The following LHFPL3 variants were observed in gnomAD, a reference collection of about 807,000 sequenced individuals.
The protein encoded by LHFPL3 is LHFPL tetraspan subfamily member 3 protein.
A neutral mutation model predicts 19.3 loss-of-function variants in LHFPL3; 5 were observed. The observed-to-expected ratio is 0.26, with a 90% CI of 0.14 to 0.54. LHFPL3 has a LOEUF of 0.54. LHFPL3 is among the 20% of genes least tolerant of loss of function. The pLI, the probability that LHFPL3 is intolerant of heterozygous loss-of-function variation, is 0.94. For synonymous variants in LHFPL3, 133 were observed against 126.2 expected (o/e 1.05, Z -0.36); for missense variants, 249 against 307.4 (o/e 0.81, Z 1.42).
intron 2 of LHFPL3, among the ~76,000 whole-genome samples, chr7:104,877,146 G>A (rs1033357016): frequency 1.3e-5 from 2 of 152,166 alleles, no homozygotes; most frequent in Non-Finnish European, 2.9e-5. Context: ...GGAGGAGGGA[G>A]GGATAGCATT....
intron 2 of LHFPL3, among the ~76,000 whole-genome samples, chr7:104,737,570 G>A (rs756923563): frequency 1.3e-5 from 2 of 152,132 alleles, no homozygotes; most frequent in Admixed American, 1.3e-4. Flanking sequence ...TGAATGATAC[G>A]TAAATATATC....
chr7:104,364,897 T>C (rs1790454431), intron 1 of LHFPL3, among the ~76,000 whole-genome samples: 1 of 152,230 alleles, frequency 6.6e-6, no homozygotes, highest in Admixed American at 6.5e-5. Context: ...AATTTCTTTT[T>C]TAGGCTGGAA....
chr7:104,905,420 C>T (rs1792577910), intron 2 of LHFPL3, among the ~76,000 whole-genome samples: 1 of 151,906 alleles, frequency 6.6e-6, no homozygotes, highest in Admixed American at 6.6e-5. Context: ...ATTATGCAGC[C>T]ATTGAAAATT....
intron 1 of LHFPL3, among the ~76,000 whole-genome samples, chr7:104,715,897 T>G (rs1201699308): frequency 6.6e-6 from 1 of 152,212 alleles, no homozygotes; most frequent in Non-Finnish European, 1.5e-5. Flanking sequence ...CAGAGTAATA[T>G]TCGCCTCATA....
At chr7:104,746,813 T>C (rs1794054798) in intron 2 of LHFPL3, among the ~76,000 whole-genome samples, 2 of 152,218 alleles carry the variant, frequency 1.3e-5, no homozygotes, top group Non-Finnish European at 2.9e-5. Context: ...TTAACTATTG[T>C]CATTTTTAGT....
At chr7:104,483,245 C>A (rs893718992) in intron 1 of LHFPL3, among the ~76,000 whole-genome samples, 6 of 152,332 alleles carry the variant, frequency 3.9e-5, no homozygotes, top group Admixed American at 1.3e-4. Flanking sequence ...CAGTTTCATT[C>A]CCTTACATGC....
At position 104,907,681 on chromosome 7, in the gene LHFPL3, A is replaced by G. The variant is rs1792647061; in HGVS notation, c.*1466A>G. ...ACATGTAGAATGCTTTTATTCATGT[A>G]TTCAAAATCAGAACAAATCAGTGTA... On this transcript the variant is annotated 3_prime_UTR_variant, in exon 3 of 3. Transcript: ENST00000424859. Among the ~76,000 whole-genome samples, 1 of 152,228 alleles carries G rather than the reference A, an allele frequency of 6.6e-6. No individual in the cohort carries two copies. The highest frequency in any genetic ancestry group is 1.5e-5 in the Non-Finnish European group (1 of 68,030).
chr7:104,475,454 G>C (rs930587350), intron 1 of LHFPL3, among the ~76,000 whole-genome samples: 9 of 151,920 alleles, frequency 5.9e-5, no homozygotes, highest in African/African-American at 2.2e-4. Flanking sequence ...AGCTGAGAAG[G>C]GGAAAATGGG....
chr7:104,430,803 CTT>C (rs1166570927), intron 1 of LHFPL3, among the ~76,000 whole-genome samples: 1 of 151,932 alleles, frequency 6.6e-6, no homozygotes, highest in African/African-American at 2.4e-5. Flanking sequence ...AATGTTCTGT[CTT>C]TGAATTAGCT....
chr7:104,477,102 A>C (rs913147259), intron 1 of LHFPL3, among the ~76,000 whole-genome samples: 1 of 151,942 alleles, frequency 6.6e-6, no homozygotes, highest in Non-Finnish European at 1.5e-5. Flanking sequence ...GTGATCCTCC[A>C]CCTCAGCCTC....
chr7:104,728,646 C>A (rs1413193253), intron 1 of LHFPL3, among the ~76,000 whole-genome samples: 3 of 152,144 alleles, frequency 2.0e-5, no homozygotes, highest in African/African-American at 7.2e-5. Context: ...TAAAGAAGTG[C>A]CAACTCTTTA....
intron 1 of LHFPL3, among the ~76,000 whole-genome samples, chr7:104,679,837 G>T (rs968351250): frequency 1.3e-5 from 2 of 152,140 alleles, no homozygotes; most frequent in African/African-American, 4.8e-5. Flanking sequence ...AAACTCAGGT[G>T]GTCTCTTCAC....
intron 2 of LHFPL3, among the ~76,000 whole-genome samples, chr7:104,900,497 G>A (rs185747655): frequency 4.6e-5 from 7 of 152,260 alleles, no homozygotes; most frequent in Non-Finnish European, 8.8e-5. Context: ...CCTTCTCACC[G>A]AAGATCTGCA....
chr7:104,554,962 C>T (rs1329207458), intron 1 of LHFPL3, among the ~76,000 whole-genome samples: 2 of 152,162 alleles, frequency 1.3e-5, no homozygotes, highest in Non-Finnish European at 2.9e-5. Flanking sequence ...GATGGTGTCC[C>T]AGCTCCAGGA....
At chr7:104,387,343 G>A (rs1221929598) in intron 1 of LHFPL3, among the ~76,000 whole-genome samples, 4 of 151,948 alleles carry the variant, frequency 2.6e-5, no homozygotes, top group South Asian at 4.2e-4. Flanking sequence ...ACTCCAGCCT[G>A]GGCAACAAGA....
At chr7:104,545,201 G>C (rs146703060) in intron 1 of LHFPL3, among the ~76,000 whole-genome samples, 1 of 152,096 alleles carries the variant, frequency 6.6e-6, no homozygotes, top group African/African-American at 2.4e-5. Context: ...CACTACCTTA[G>C]TATCCTCATA....
chr7:104,671,184 G>A (rs1287403751), intron 1 of LHFPL3, among the ~76,000 whole-genome samples: 1 of 151,956 alleles, frequency 6.6e-6, no homozygotes, highest in African/African-American at 2.4e-5. Context: ...AATAATTGGT[G>A]TGGATTGGCC....
intron 1 of LHFPL3, among the ~76,000 whole-genome samples, chr7:104,697,377 T>C (rs944707892): frequency 6.6e-6 from 1 of 152,178 alleles, no homozygotes; most frequent in African/African-American, 2.4e-5. Context: ...CTATTTTAAA[T>C]TGGCAAGAAT....
chr7:104,840,615 A>C (rs1212600342), intron 2 of LHFPL3, among the ~76,000 whole-genome samples: 1 of 147,666 alleles, frequency 6.8e-6, no homozygotes, highest in Non-Finnish European at 1.5e-5. Flanking sequence ...TACCACTCCC[A>C]GGTTCTTTCA....
Sources: gnomAD v4.1 joint callset for allele counts (sites outside exome capture counted in the v4.1 genomes callset) on GRCh38, gnomAD v4.1.1 for gene constraint, MANE v1.5 for transcripts, NCBI Gene and HGNC (gene_info 2026-07-23, HGNC 2026-07-21) for gene names.